EFNA2: variants seen among roughly 807,000 people sequenced by gnomAD.
EFNA2 encodes ephrin A2.
A neutral mutation model predicts 19.7 loss-of-function variants in EFNA2; 18 were observed. The observed-to-expected ratio is 0.91, with a 90% CI of 0.63 to 1.35. The LOEUF is 1.35. Ranked by LOEUF, EFNA2 falls within the 40% of genes most tolerant of loss-of-function variation. The probability of loss-of-function intolerance (pLI) is 0.00; values close to 1 mark genes in which losing one functional copy is unlikely to be tolerated. For missense variants in EFNA2, 303 were observed against 296.0 expected (o/e 1.02, Z -0.17); for synonymous variants, 187 against 137.8 (o/e 1.36, Z -2.50).
chr19:1,294,982 AC>A lies in EFNA2; in HGVS notation c.141-557del, dbSNP rs1027867059. On this transcript the variant is annotated intron_variant, in intron 1 of 3. Coordinates refer to ENST00000215368, the MANE Select transcript of EFNA2 (RefSeq NM_001405.4). The surrounding 1 kb of genome is among the most constrained non-coding windows in gnomAD (Gnocchi z 5.8). Reference sequence around the variant, plus strand: ...CTCGTGCAGAGGCCCGGAGTCAGGAACCCCCCGCCGGCCCTTTGCACACAGG... The same window carrying A: ...CTCGTGCAGAGGCCCGGAGTCAGGAACCCCCGCCGGCCCTTTGCACACAGG... Among the ~76,000 whole-genome samples the A allele has an allele frequency of 6.7e-6, 1 of 149,668 alleles. No individual in the cohort carries two copies. The highest frequency in any genetic ancestry group is 2.1e-4 in the South Asian group (1 of 4,694).
upstream of EFNA2, among the ~76,000 whole-genome samples, chr19:1,285,506 G>C (rs2081458955): frequency 6.6e-6 from 1 of 152,150 alleles, no homozygotes; most frequent in African/African-American, 2.4e-5. The surrounding 1 kb of genome is among the most constrained non-coding windows in gnomAD (Gnocchi z 4.1). Context: ...CCCCCGCAGG[G>C]AGACTGGAGT....
chr19:1,294,647 G>T lies in EFNA2; in HGVS notation c.141-898G>T, dbSNP rs901062420. On this transcript the variant is annotated intron_variant, in intron 1 of 3. Coordinates refer to ENST00000215368, the MANE Select transcript of EFNA2 (RefSeq NM_001405.4). The surrounding 1 kb of genome is among the most constrained non-coding windows in gnomAD (Gnocchi z 5.8). ...AGGATGTCTCCGAGCTGGGCGGCAG[G>T]TGGAACTCGGCAGGCTGAGAGAGAG... Among the ~76,000 whole-genome samples the T allele has an allele frequency of 2.3e-4, 35 of 151,820 alleles. No individual in the cohort carries two copies. The highest frequency in any genetic ancestry group is 4.7e-4 in the Non-Finnish European group (32 of 67,938).
At position 1,300,634 on chromosome 19, in the gene EFNA2, G is replaced by A. The variant is rs538245481; in HGVS notation, c.*689G>A. On this transcript the variant is annotated 3_prime_UTR_variant, in exon 4 of 4. Transcript: ENST00000215368. The stretch of plus-strand genomic sequence containing the variant: ...CAGGTTGGGTGAGTCTGAGCCGGAA[G>A]GGGTACGTGGTGGGCGCCCCTCATT... Among the ~76,000 whole-genome samples the A allele has an allele frequency of 1.2e-4, 18 of 152,272 alleles. No homozygotes were observed. Among genetic ancestry groups the A allele is most frequent in the African/African-American group, 4.1e-4 (17 of 41,544 alleles).
rs1395793529 is a variant in EFNA2 at position 1,301,041 on chromosome 19, CCT to C, written c.*1102_*1103del. 6.6e-6 allele frequency among the ~76,000 whole-genome samples: 1 copy of C among 150,968 alleles called. No individual in the cohort carries two copies. The highest frequency in any genetic ancestry group is 1.5e-5 in the Non-Finnish European group (1 of 67,786). ...TAAGCTCGTGTCGTCTGTCAGAGCCCCTCTCTCAACTCTGTGACCTGATAATG... is the reference window on the plus strand; with the variant it reads ...TAAGCTCGTGTCGTCTGTCAGAGCCCCTCTCAACTCTGTGACCTGATAATG... On this transcript the variant is annotated 3_prime_UTR_variant, in exon 4 of 4. Coordinates refer to ENST00000215368, the MANE Select transcript of EFNA2 (RefSeq NM_001405.4).
chr19:1,298,781 C>G lies in EFNA2; in HGVS notation c.520+165C>G, dbSNP rs185079484. Reference sequence around the variant, plus strand: ...TCCCCGTCTGATGAACATGTCAGACCTTCGAGAGTGAAGGTTAGCTGAGCG... The same window carrying G: ...TCCCCGTCTGATGAACATGTCAGACGTTCGAGAGTGAAGGTTAGCTGAGCG... On this transcript the variant is annotated intron_variant, in intron 3 of 3. Coordinates refer to ENST00000215368, the MANE Select transcript of EFNA2 (RefSeq NM_001405.4). Among the ~76,000 whole-genome samples, 4 of 152,324 alleles carry G rather than the reference C, an allele frequency of 2.6e-5. No homozygotes were observed. The East Asian group carries it at 7.7e-4, about 29-fold the overall frequency.
At position 1,301,124 on chromosome 19, in the gene EFNA2, AAAAG is replaced by A. The variant is rs918885577; in HGVS notation, c.*1183_*1186del. On this transcript the variant is annotated 3_prime_UTR_variant, in exon 4 of 4. Coordinates refer to ENST00000215368, the MANE Select transcript of EFNA2 (RefSeq NM_001405.4). ...GGAGGGAACCACTACCAAAAAAAAA[AAAAG>A]AAACTCCTCCCCGAAGACACTTTAA... is the stretch of plus-strand genomic sequence containing the variant. 9.8e-5 allele frequency among the ~76,000 whole-genome samples: 13 copies of A among 133,048 alleles called. No homozygotes were observed. Among genetic ancestry groups the A allele is most frequent in the African/African-American group, 2.1e-4 (7 of 33,294 alleles). 87.3% of individuals were successfully genotyped at this position (133,048 alleles called of 152,430 possible). A position where few individuals can be genotyped will look rare whatever the true frequency, so the allele number is the denominator to read the frequency against.
In EFNA2 at chr19:1,286,236, T is replaced by A; in HGVS notation, c.68T>A (p.Phe23Tyr). 1 of 1,124,920 alleles carries A rather than the reference T, an allele frequency of 8.9e-7. No individual in the cohort carries two copies. Among genetic ancestry groups the A allele is most frequent in the Non-Finnish European group, 1.1e-6 (1 of 905,728 alleles). 69.7% of individuals were successfully genotyped at this position (1,124,920 alleles called of 1,614,324 possible). ...LLLLPLPPPP[F>Y]ARAEDAARAN... ...CTGTTACCGCTGCCGCCGCCGCCCT[T>A]CGCGCGCGCCGAGGACGCCGCCCGC... Residue 23 changes from phenylalanine to tyrosine, a missense_variant, in exon 1 of 4, where the codon TTC (phenylalanine) becomes TAC (tyrosine). Phe to Tyr is a conservative substitution (Grantham distance 22, BLOSUM62 3). Coordinates refer to ENST00000215368, the MANE Select transcript of EFNA2 (RefSeq NM_001405.4). This position sits in a 1 kb window ranked among gnomAD's most constrained non-coding sequence, Gnocchi z 5.6.
At chr19:1,285,145 CAGG>C (rs942563740), upstream of EFNA2, among the ~76,000 whole-genome samples, 2 of 152,188 alleles carry the variant, frequency 1.3e-5, no homozygotes, top group Non-Finnish European at 2.9e-5. This position sits in a 1 kb window ranked among gnomAD's most constrained non-coding sequence, Gnocchi z 4.1. Flanking sequence ...GTCAGCCTAC[CAGG>C]AGGAGAAATC....
rs1276166006 is a variant in EFNA2 at position 1,300,746 on chromosome 19, G to A, written c.*801G>A. ...ACACTGTTTTGCCCCAGCGCCCTTCGGAATCACAGTCCCGCCGTGTCTTAG... is the reference window on the plus strand; with the variant it reads ...ACACTGTTTTGCCCCAGCGCCCTTCAGAATCACAGTCCCGCCGTGTCTTAG... On this transcript the variant is annotated 3_prime_UTR_variant, in exon 4 of 4. Coordinates refer to ENST00000215368, the MANE Select transcript of EFNA2 (RefSeq NM_001405.4). Among the ~76,000 whole-genome samples the A allele has an allele frequency of 1.3e-5, 2 of 152,074 alleles. No individual in the cohort carries two copies. The highest frequency in any genetic ancestry group is 2.4e-5 in the African/African-American group (1 of 41,418).
Position 1,300,691 on chromosome 19 carries a change from AC to A in EFNA2, c.*751del, listed in dbSNP as rs2081538674. Among the ~76,000 whole-genome samples, 2 of 150,684 alleles carry A rather than the reference AC, an allele frequency of 1.3e-5. No individual in the cohort carries two copies. ...GGGGAGACCTCATACCCCATCGCCC[AC>A]CCCCGTCCTCCTGGTCATTTCCTCC... On this transcript the variant is annotated 3_prime_UTR_variant, in exon 4 of 4. Coordinates refer to ENST00000215368, the MANE Select transcript of EFNA2 (RefSeq NM_001405.4).
chr19:1,298,072 C>CAA (rs58897953), intron 2 of EFNA2, among the ~76,000 whole-genome samples: 38 of 49,862 alleles, frequency 7.6e-4, no homozygotes, highest in South Asian at 3.9e-3. Context: ...AGCTCCATCA[C>CAA]AAAAAAAAAA....
chr19:1,295,028 T>C lies in EFNA2; in HGVS notation c.141-517T>C, dbSNP rs1480790071. 3.9e-5 allele frequency among the ~76,000 whole-genome samples: 6 copies of C among 152,052 alleles called. No homozygotes were observed. Among genetic ancestry groups the C allele is most frequent in the African/African-American group, 1.4e-4 (6 of 41,412 alleles). ...CACAGGGGTCCAGATGTCACCCACC[T>C]GGACACCCACCTCGCTGCTGGCCCT... is the stretch of plus-strand genomic sequence containing the variant. On this transcript the variant is annotated intron_variant, in intron 1 of 3. Transcript: ENST00000215368. The surrounding 1 kb of genome is among the most constrained non-coding windows in gnomAD (Gnocchi z 5.8).
intron 3 of EFNA2, among the ~76,000 whole-genome samples, chr19:1,299,090 T>G (rs1290819778): frequency 6.6e-6 from 1 of 151,928 alleles, no homozygotes; most frequent in Admixed American, 6.6e-5. Context: ...ATACAAAATT[T>G]AGCCGGGCCT....
intron 1 of EFNA2, among the ~76,000 whole-genome samples, chr19:1,291,816 A>G (rs185057195): frequency 9.9e-4 from 150 of 152,200 alleles, no homozygotes; most frequent in Non-Finnish European, 1.8e-3. Context: ...GCTTGCTGGA[A>G]GCTGGTGACA....
At position 1,286,062 on chromosome 19, in the gene EFNA2, C is replaced by T. The variant is rs1271237874; in HGVS notation, c.-107C>T. On this transcript the variant is annotated 5_prime_UTR_variant, in exon 1 of 4. Transcript: ENST00000215368. The surrounding 1 kb of genome is among the most constrained non-coding windows in gnomAD (Gnocchi z 5.6). ...TCCAAGCGCCGCCGCGCCCTCCTCC[C>T]GCCCGCCCTCCGCCCGCCCGCTCGG... 1 of 238,646 alleles carries T rather than the reference C, an allele frequency of 4.2e-6. No individual in the cohort carries two copies. The highest frequency in any genetic ancestry group is 2.4e-5 in the African/African-American group (1 of 42,004). 14.8% of individuals were successfully genotyped at this position (238,646 alleles called of 1,614,324 possible).
intron 1 of EFNA2, among the ~76,000 whole-genome samples, chr19:1,293,818 CTG>C (rs2081502299): frequency 1.3e-5 from 2 of 152,244 alleles, no homozygotes; most frequent in South Asian, 4.1e-4. Context: ...AGTGGGGAAA[CTG>C]AGGCGCAAGT....
Position 1,287,562 on chromosome 19 carries a change from C to T in EFNA2, c.140+1254C>T, listed in dbSNP as rs898470565. On this transcript the variant is annotated intron_variant, in intron 1 of 3. Transcript: ENST00000215368. This position sits in a 1 kb window ranked among gnomAD's most constrained non-coding sequence, Gnocchi z 6.2. ...TTTGAGGCGGGCTCGGGGACAAGGG[C>T]GGCCCGTGTTCCGCCGTGGGGGTGG... Among the ~76,000 whole-genome samples the T allele has an allele frequency of 3.9e-5, 6 of 152,120 alleles. No individual in the cohort carries two copies. Among genetic ancestry groups the T allele is most frequent in the Non-Finnish European group, 5.9e-5 (4 of 68,024 alleles).
rs2081523003 is a variant in EFNA2 at position 1,297,894 on chromosome 19, A to G, written c.455-657A>G. Among the ~76,000 whole-genome samples the G allele has an allele frequency of 1.3e-5, 2 of 152,048 alleles. No homozygotes were observed. Among genetic ancestry groups the G allele is most frequent in the South Asian group, 4.1e-4 (2 of 4,830 alleles). On this transcript the variant is annotated intron_variant, in intron 2 of 3. Coordinates refer to ENST00000215368, the MANE Select transcript of EFNA2 (RefSeq NM_001405.4). This position sits in a 1 kb window ranked among gnomAD's most constrained non-coding sequence, Gnocchi z 5.0. ...CAAGACCAGCCCGGCCAACATGGTG[A>G]AACCCCGTTTCTACTAAAAATACAA...
Position 1,288,303 on chromosome 19 carries a change from T to C in EFNA2, c.140+1995T>C, listed in dbSNP as rs144667786. ...TGTCCAGGGGCACCTGCCCGGGACC[T>C]GTGCCTGAGTGGCGGGGGTGTCAGG... On this transcript the variant is annotated intron_variant, in intron 1 of 3. Coordinates refer to ENST00000215368, the MANE Select transcript of EFNA2 (RefSeq NM_001405.4). Among the ~76,000 whole-genome samples, 632 of 152,328 alleles carry C rather than the reference T, an allele frequency of 4.1e-3. 7 individuals are homozygous for C. The highest frequency in any genetic ancestry group is 0.014 in the African/African-American group (596 of 41,572).
Sources: allele counts gnomAD v4.1 joint callset (sites outside exome capture counted in the v4.1 genomes callset), GRCh38; gene constraint gnomAD v4.1.1; non-coding constraint Gnocchi (gnomAD v3.1); transcripts MANE v1.5; gene names NCBI Gene and HGNC (gene_info 2026-07-23, HGNC 2026-07-21).